Variants in CNTNAP2 observed in about 807,000 individuals in gnomAD.
CNTNAP2 encodes contactin associated protein 2.
Under a neutral mutation model 155.2 loss-of-function variants are expected in CNTNAP2, and 98 were observed. The observed-to-expected ratio is 0.63, with a 90% CI of 0.54 to 0.75. The LOEUF (loss-of-function observed/expected upper bound fraction) is 0.75. Ranked by LOEUF, CNTNAP2 falls within the 30% of genes least tolerant of loss-of-function variation. CNTNAP2 has a pLI of 0.00. For synonymous variants in CNTNAP2, 651 were observed against 631.2 expected (o/e 1.03, Z -0.47); for missense variants, 1,727 against 1,688.1 (o/e 1.02, Z -0.40).
intron 1 of CNTNAP2, among the ~76,000 whole-genome samples, chr7:146,335,928 G>A (rs867642243): frequency 1.8e-4 from 27 of 152,110 alleles, no homozygotes; most frequent in Middle Eastern, 3.4e-3. Context: ...GCCAGGGCGC[G>A]GTGACCCACT....
intron 8 of CNTNAP2, among the ~76,000 whole-genome samples, chr7:147,183,073 A>G (rs1802497336): frequency 6.6e-6 from 1 of 152,144 alleles, no homozygotes. Flanking sequence ...TCATCTAATC[A>G]TAGTTACTCT....
At chr7:147,922,172 A>G (rs575308828) in intron 14 of CNTNAP2, among the ~76,000 whole-genome samples, 1 of 152,400 alleles carries the variant, frequency 6.6e-6, no homozygotes, top group East Asian at 1.9e-4. Flanking sequence ...CGAAAGGAAA[A>G]TGAAGACAGA....
intron 17 of CNTNAP2, among the ~76,000 whole-genome samples, chr7:148,159,094 T>C (rs1805462579): frequency 6.6e-6 from 1 of 152,186 alleles, no homozygotes; most frequent in Non-Finnish European, 1.5e-5. Context: ...TTCCCTCTCA[T>C]GTTTTTATCT....
chr7:146,370,823 A>G (rs1795223824), intron 1 of CNTNAP2, among the ~76,000 whole-genome samples: 1 of 152,146 alleles, frequency 6.6e-6, no homozygotes, highest in Non-Finnish European at 1.5e-5. Context: ...TATGTTTATA[A>G]TATGGATCCT....
At position 147,520,855 on chromosome 7, in the gene CNTNAP2, G is replaced by A. The variant is rs953039406; in HGVS notation, c.1777+34814G>A. ...CTCAGAAGGCCCATGCTCAGCTTCC[G>A]TAGACCCTGTCCTCTGTCAGTCAGT... is the stretch of plus-strand genomic sequence containing the variant. On this transcript the variant is annotated intron_variant, in intron 11 of 23. Transcript: ENST00000361727. 5.3e-5 allele frequency among the ~76,000 whole-genome samples: 8 copies of A among 152,086 alleles called. No homozygotes were observed. In the East Asian group the frequency reaches 9.6e-4, roughly 18 times the overall value.
chr7:147,731,786 A>G (rs879934141), intron 13 of CNTNAP2, among the ~76,000 whole-genome samples: 16 of 152,156 alleles, frequency 1.1e-4, no homozygotes, highest in Non-Finnish European at 2.2e-4. Flanking sequence ...CATTAAGAGC[A>G]TTTGTGATTA....
chr7:146,537,117 A>T (rs1797880792), intron 1 of CNTNAP2, among the ~76,000 whole-genome samples: 1 of 152,108 alleles, frequency 6.6e-6, no homozygotes, highest in Non-Finnish European at 1.5e-5. Flanking sequence ...GCCAACAATG[A>T]TACAGTAGTA....
At chr7:147,331,408 A>C (rs563742412) in intron 9 of CNTNAP2, among the ~76,000 whole-genome samples, 6 of 152,188 alleles carry the variant, frequency 3.9e-5, no homozygotes, top group Admixed American at 6.5e-5. Context: ...AACATTCCTT[A>C]TGTAAACACC....
intron 15 of CNTNAP2, among the ~76,000 whole-genome samples, chr7:148,077,080 G>C (rs1178420329): frequency 2.6e-5 from 4 of 152,110 alleles, no homozygotes; most frequent in African/African-American, 9.7e-5. Flanking sequence ...GGCCAAGGCG[G>C]GTGGCTCACC....
intron 10 of CNTNAP2, among the ~76,000 whole-genome samples, chr7:147,418,156 T>C (rs1797230308): frequency 1.3e-5 from 2 of 152,200 alleles, no homozygotes; most frequent in South Asian, 4.1e-4. Context: ...AAGTGAATAA[T>C]ATTCTTCTTA....
intron 13 of CNTNAP2, among the ~76,000 whole-genome samples, chr7:147,684,752 T>G (rs532463167): frequency 2.0e-5 from 3 of 152,100 alleles, no homozygotes; most frequent in African/African-American, 7.2e-5. Context: ...TACCTAAATA[T>G]TTGATCATTT....
At chr7:148,049,138 C>T (rs1802835882) in intron 15 of CNTNAP2, among the ~76,000 whole-genome samples, 3 of 152,086 alleles carry the variant, frequency 2.0e-5, no homozygotes, top group Non-Finnish European at 4.4e-5. Context: ...TCACTTGAAC[C>T]CAAGAGGCAG....
chr7:147,948,490 A>G (rs1358966328), intron 14 of CNTNAP2, among the ~76,000 whole-genome samples: 1 of 147,024 alleles, frequency 6.8e-6, no homozygotes, highest in Admixed American at 7.0e-5. Flanking sequence ...AATAAATGAA[A>G]TAAAATTTTA....
chr7:147,202,059 A>G (rs533340985), intron 8 of CNTNAP2, among the ~76,000 whole-genome samples: 47 of 152,328 alleles, frequency 3.1e-4, no homozygotes, highest in Non-Finnish European at 6.3e-4. Flanking sequence ...TTACGAGAAT[A>G]AAGATGAAAA....
intron 13 of CNTNAP2, among the ~76,000 whole-genome samples, chr7:147,698,397 C>A (rs1473731974): frequency 6.6e-6 from 1 of 152,118 alleles, no homozygotes; most frequent in African/African-American, 2.4e-5. Flanking sequence ...TACCTTTATA[C>A]CATTACATCA....
chr7:147,115,117 T>TA (rs1198126375), intron 5 of CNTNAP2, among the ~76,000 whole-genome samples: 4 of 152,344 alleles, frequency 2.6e-5, no homozygotes, highest in East Asian at 1.9e-4. Flanking sequence ...TTCTTTTCTT[T>TA]AAGAATATTG....
intron 22 of CNTNAP2, among the ~76,000 whole-genome samples, chr7:148,389,186 A>G (rs886257248): frequency 6.6e-6 from 1 of 152,112 alleles, no homozygotes; most frequent in African/African-American, 2.4e-5. Context: ...TACTTTCCCA[A>G]TTGATACAGT....
intron 11 of CNTNAP2, among the ~76,000 whole-genome samples, chr7:147,513,276 ATTTG>A (rs1029745422): frequency 3.9e-4 from 60 of 152,176 alleles, no homozygotes; most frequent in African/African-American, 1.3e-3. Context: ...TGAAATACCT[ATTTG>A]TTTGTCTAAA....
chr7:146,978,181 A>G (rs1306331089), intron 3 of CNTNAP2, among the ~76,000 whole-genome samples: 1 of 152,170 alleles, frequency 6.6e-6, no homozygotes, highest in Non-Finnish European at 1.5e-5. Flanking sequence ...AAAATTTGAG[A>G]TAATTTGACT....
Sources: gnomAD v4.1 joint callset for allele counts (sites outside exome capture counted in the v4.1 genomes callset) on GRCh38, gnomAD v4.1.1 for gene constraint, MANE v1.5 for transcripts, NCBI Gene and HGNC (gene_info 2026-07-23, HGNC 2026-07-21) for gene names.